Variants in HCFC2 observed in about 807,000 individuals in gnomAD.
HCFC2 encodes the protein host cell factor 2.
In HCFC2, 18 loss-of-function variants were observed where a neutral mutation model predicts 89.2. The observed-to-expected ratio is 0.20, with a 90% confidence interval of 0.14 to 0.30. The LOEUF is 0.30. Among genes scored for constraint, HCFC2 ranks in the 10% least tolerant of loss-of-function variants. The probability of loss-of-function intolerance (pLI) is 1.00; values close to 1 mark genes in which losing one functional copy is unlikely to be tolerated. For missense variants in HCFC2, 578 were observed against 956.1 expected (o/e 0.60, Z 5.21); for synonymous variants, 308 against 335.7 (o/e 0.92, Z 0.90).
chr12:104,070,220 G>A (rs1883277277), intron 3 of HCFC2, among the ~76,000 whole-genome samples: 2 of 152,134 alleles, frequency 1.3e-5, no homozygotes, highest in South Asian at 2.1e-4. Context: ...GACTAACATG[G>A]GGTTTCACCG....
rs899591295 is a variant in HCFC2, at chr12:104,069,043, T to C, written c.473+936T>C. Among the ~76,000 whole-genome samples, 3 of 152,164 alleles carry C rather than the reference T, an allele frequency of 2.0e-5. No individual in the cohort carries two copies. The South Asian group carries it at 6.2e-4, about 32-fold the overall frequency. ...AGTCACCACCAGGCGTTGTGGCTCA[T>C]GCCTATAATCCCAGCACTTTGGGAA... On this transcript the variant is annotated intron_variant, in intron 3 of 14. Coordinates refer to ENST00000229330, the MANE Select transcript of HCFC2 (RefSeq NM_013320.3).
chr12:104,093,441 C>T lies in HCFC2; in HGVS notation c.1340C>T (p.Ser447Leu), dbSNP rs866585573. Residue 447 changes from serine (S) to leucine (L), a missense_variant, in exon 10 of 15, where the codon TCA (serine) becomes TTA (leucine). Ser to Leu is a moderately radical substitution (Grantham distance 145). This residue lies in a region of HCFC2 where 210 missense variants were observed against 251.7 expected (regional missense o/e 0.83). Transcript: ENST00000229330. Reference sequence around the variant, plus strand: ...GAACAGCCAGCCACAAAAGAAACTTCAATGAAAAACAAACCAGACTTTAAA... The same window carrying T: ...GAACAGCCAGCCACAAAAGAAACTTTAATGAAAAACAAACCAGACTTTAAA... ...KTEQPATKET[S>L]MKNKPDFKAL... is the part of the protein sequence containing the mutation. 16 of 1,613,142 alleles carry T rather than the reference C, an allele frequency of 9.9e-6. No individual in the cohort carries two copies. The highest frequency in any genetic ancestry group is 1.4e-5 in the Non-Finnish European group (16 of 1,179,642).
In HCFC2 at chr12:104,064,958, C is replaced by T. The variant is rs888871836; in HGVS notation, c.163+235C>T. 11 of 393,690 alleles carry T rather than the reference C, an allele frequency of 2.8e-5. No homozygotes were observed. The highest frequency in any genetic ancestry group is 4.0e-5 in the Non-Finnish European group (9 of 224,496). The allele number at this position is 393,690 out of a possible 1,614,324, so 24.4% of individuals were successfully genotyped here. A position where few individuals can be genotyped will look rare whatever the true frequency, so the allele number is the denominator to read the frequency against. On this transcript the variant is annotated intron_variant, in intron 1 of 14. Coordinates refer to ENST00000229330, the MANE Select transcript of HCFC2 (RefSeq NM_013320.3). The surrounding 1 kb of genome is among the most constrained non-coding windows in gnomAD (Gnocchi z 7.3). ...CGGACCCCGAGCGGGGCGCACCGGC[C>T]TTCAGGCGGGGGATCCCGGACGCCC...
In HCFC2 at chr12:104,079,451, A is replaced by G. The variant is rs753149730; in HGVS notation, c.480A>G (p.Leu160=). 10 of 1,610,286 alleles carry G rather than the reference A, an allele frequency of 6.2e-6. No individual in the cohort carries two copies. The highest frequency in any genetic ancestry group is 8.5e-6 in the Non-Finnish European group (10 of 1,177,720). The change falls in exon 4 of 15, where the codon TTA becomes TTG. Residue 160 remains leucine, a synonymous_variant. Transcript: ENST00000229330. ...EDSNNNVPRY[L]NDFYELELQH... ...TTTTTCTATGATATCCTAGATATTT[A>G]AATGATTTTTATGAGTTGGAGCTAC...
At chr12:104,077,212 TG>T (rs1165384290) in intron 3 of HCFC2, among the ~76,000 whole-genome samples, 1 of 152,100 alleles carries the variant, frequency 6.6e-6, no homozygotes, top group African/African-American at 2.4e-5. Flanking sequence ...GGGGCTTTTT[TG>T]TTTTTTGTTT....
chr12:104,090,198 A>G lies in HCFC2; in HGVS notation c.1284+2160A>G, dbSNP rs143826439. Reference sequence around the variant, plus strand: ...GAAAATATCTTTAGCCTATTTAACTAATAGTTTGGCTGGCTTATAGAATCC... The same window carrying G: ...GAAAATATCTTTAGCCTATTTAACTGATAGTTTGGCTGGCTTATAGAATCC... On this transcript the variant is annotated intron_variant, in intron 9 of 14. Transcript: ENST00000229330. Among the ~76,000 whole-genome samples, 605 of 152,264 alleles carry G rather than the reference A, an allele frequency of 4.0e-3. 3 individuals carry two copies. The highest frequency in any genetic ancestry group is 0.014 in the African/African-American group (575 of 41,558).
At chr12:104,065,789 A>G (rs1213822250) in intron 1 of HCFC2, among the ~76,000 whole-genome samples, 1 of 152,176 alleles carries the variant, frequency 6.6e-6, no homozygotes, top group Non-Finnish European at 1.5e-5. Flanking sequence ...CACAATTTTC[A>G]GTTGTAAAAT....
intron 13 of HCFC2, among the ~76,000 whole-genome samples, chr12:104,100,600 T>C (rs940108133): frequency 1.3e-5 from 2 of 151,920 alleles, no homozygotes; most frequent in African/African-American, 4.8e-5. Flanking sequence ...AAATGGACAA[T>C]TTCTGAGAGA....
At chr12:104,081,090 G>C (rs1290676753) in intron 5 of HCFC2, among the ~76,000 whole-genome samples, 2 of 152,144 alleles carry the variant, frequency 1.3e-5, no homozygotes, top group African/African-American at 4.8e-5. Flanking sequence ...GTTAACCTGG[G>C]TGTTGCCAAA....
intron 2 of HCFC2, among the ~76,000 whole-genome samples, chr12:104,067,736 T>A (rs931411657): frequency 6.6e-6 from 1 of 152,222 alleles, no homozygotes; most frequent in Non-Finnish European, 1.5e-5. Context: ...TGGAAATCTG[T>A]GAATATGGAA....
intron 9 of HCFC2, among the ~76,000 whole-genome samples, chr12:104,090,633 T>A (rs1184513): frequency 6.6e-6 from 1 of 152,198 alleles, no homozygotes; most frequent in African/African-American, 2.4e-5. Context: ...TTATTTCTGT[T>A]AATAGCACCC....
At chr12:104,066,840 T>G (rs556086351) in intron 2 of HCFC2, among the ~76,000 whole-genome samples, 2 of 152,344 alleles carry the variant, frequency 1.3e-5, no homozygotes, top group South Asian at 4.1e-4. Flanking sequence ...CAGGCTGGAC[T>G]GCAGCCGCGC....
intron 3 of HCFC2, among the ~76,000 whole-genome samples, chr12:104,074,439 C>T (rs916379163): frequency 6.6e-6 from 1 of 152,202 alleles, no homozygotes; most frequent in African/African-American, 2.4e-5. Context: ...GGATTACAGG[C>T]GTGAGCCGCC....
intron 3 of HCFC2, among the ~76,000 whole-genome samples, chr12:104,073,249 C>T (rs1276121139): frequency 2.7e-5 from 4 of 150,900 alleles, no homozygotes; most frequent in African/African-American, 9.8e-5. Context: ...ACTGCAGCCT[C>T]CACCTCATGG....
intron 10 of HCFC2, 67 bp downstream of exon 10, chr12:104,093,630 A>G: frequency 7.3e-7 from 1 of 1,361,106 alleles, no homozygotes; most frequent in African/African-American, 1.5e-5. Context: ...AGTCATTGAA[A>G]AAGTAAATGT....
intron 7 of HCFC2, among the ~76,000 whole-genome samples, chr12:104,085,919 TA>T (rs1883822719): frequency 6.6e-6 from 1 of 152,022 alleles, no homozygotes; most frequent in Non-Finnish European, 1.5e-5. Flanking sequence ...TACTTTGATG[TA>T]TTTTTTTTTT....
chr12:104,089,750 T>C (rs1284034490), intron 9 of HCFC2, among the ~76,000 whole-genome samples: 1 of 152,230 alleles, frequency 6.6e-6, no homozygotes, highest in East Asian at 1.9e-4. Context: ...AGGTGAGCCA[T>C]GTAGTGTGCT....
Position 104,095,302 on chromosome 12 carries a change from G to A in HCFC2, c.1463-58G>A, listed in dbSNP as rs1020930495. On this transcript the variant is annotated intron_variant, in intron 10 of 14. Coordinates refer to ENST00000229330, the MANE Select transcript of HCFC2 (RefSeq NM_013320.3). The surrounding 1 kb of genome is among the most constrained non-coding windows in gnomAD (Gnocchi z 4.2). ...AAGAATCATATGACAAGAACGATAA[G>A]ACACAACAATTATCTGCAGATATCA... 1 of 1,312,380 alleles carries A rather than the reference G, an allele frequency of 7.6e-7. No individual in the cohort carries two copies. Among genetic ancestry groups the A allele is most frequent in the African/African-American group, 1.5e-5 (1 of 68,868 alleles). 81.3% of individuals were successfully genotyped at this position (1,312,380 alleles called of 1,614,324 possible).
chr12:104,088,026 C>T lies in HCFC2; in HGVS notation c.1272C>T (p.Ile424=). 1 of 1,605,582 alleles carries T rather than the reference C, an allele frequency of 6.2e-7. No individual in the cohort carries two copies. The highest frequency in any genetic ancestry group is 8.5e-7 in the Non-Finnish European group (1 of 1,174,702). Residue 424 remains isoleucine, a synonymous_variant, in exon 9 of 15, where the codon ATC becomes ATT. Coordinates refer to ENST00000229330, the MANE Select transcript of HCFC2 (RefSeq NM_013320.3). ...MDPHRQGSNN[I]VPNSINDTIN... ...CTCACAGACAAGGCAGTAATAACATCGTTCCTAACAGTGTAAGTAAAAAAG... is the reference window on the plus strand; with the variant it reads ...CTCACAGACAAGGCAGTAATAACATTGTTCCTAACAGTGTAAGTAAAAAAG...
Sources: allele counts gnomAD v4.1 joint callset (sites outside exome capture counted in the v4.1 genomes callset), GRCh38; gene constraint gnomAD v4.1.1; regional missense constraint gnomAD v4.1.1; non-coding constraint Gnocchi (gnomAD v3.1); transcripts MANE v1.5; gene names NCBI Gene and HGNC (gene_info 2026-07-23, HGNC 2026-07-21).